The following ABCC1 variants were observed in gnomAD, a reference collection of about 807,000 sequenced individuals.
ABCC1 encodes multidrug resistance-associated protein 1.
ABCC1 carries 83 observed loss-of-function variants against 172.9 expected under a neutral mutation model. The ratio of observed to expected loss-of-function variants is 0.48; its 90% CI spans 0.40 to 0.58. ABCC1 has a LOEUF of 0.58. Ranked by LOEUF, ABCC1 falls within the 20% of genes least tolerant of loss-of-function variation. The pLI is 0.00. For synonymous variants in ABCC1, 937 were observed against 825.2 expected, an observed-to-expected ratio of 1.14 and a Z score of -2.32; for missense variants, 1,817 against 2,002.7, an observed-to-expected ratio of 0.91 and a Z score of 1.77.
At chr16:16,064,760 C>G (rs2050052353) in intron 12 of ABCC1, among the ~76,000 whole-genome samples, 2 of 152,334 alleles carry the variant, frequency 1.3e-5, no homozygotes, top group South Asian at 4.1e-4. Context: ...CACTGAGCAC[C>G]ATGATCTGGG....
intron 23 of ABCC1, among the ~76,000 whole-genome samples, chr16:16,119,067 A>G (rs1444804229): frequency 6.6e-6 from 1 of 152,162 alleles, no homozygotes; most frequent in Non-Finnish European, 1.5e-5. Flanking sequence ...CTAATACACA[A>G]CAATTTGGGT....
At chr16:16,000,434 C>T (rs775918634) in intron 1 of ABCC1, among the ~76,000 whole-genome samples, 26 of 151,272 alleles carry the variant, frequency 1.7e-4, no homozygotes, top group Admixed American at 2.6e-4. Context: ...CATGAGCCAC[C>T]GTGTCCAGCT....
chr16:16,089,917 T>C (rs77670492), intron 18 of ABCC1, among the ~76,000 whole-genome samples: 1,523 of 152,206 alleles, frequency 0.01, 10 homozygotes, highest in Middle Eastern at 0.024. Context: ...ACAAACTGTT[T>C]TGCTGTGGCA....
intron 13 of ABCC1, among the ~76,000 whole-genome samples, chr16:16,069,732 A>AG (rs1184945978): frequency 2.6e-5 from 4 of 152,068 alleles, no homozygotes; most frequent in African/African-American, 9.7e-5. Context: ...AAAAAGAAAA[A>AG]GAAAAAAAAA....
At chr16:16,004,910 C>T (rs546327967) in intron 1 of ABCC1, among the ~76,000 whole-genome samples, 411 of 152,162 alleles carry the variant, frequency 2.7e-3, no homozygotes, top group African/African-American at 9.4e-3. Flanking sequence ...TCCTGACTGC[C>T]TGCCTAGGCC....
chr16:15,988,009 G>C (rs2046779820), intron 1 of ABCC1, among the ~76,000 whole-genome samples: 1 of 152,144 alleles, frequency 6.6e-6, no homozygotes, highest in Non-Finnish European at 1.5e-5. Context: ...CCAGGCTGGA[G>C]TGCAGTGGTG....
chr16:16,132,076 G>A (rs566571345), intron 27 of ABCC1, 141 bp downstream of exon 27: 4 of 1,082,180 alleles, frequency 3.7e-6, no homozygotes, highest in African/African-American at 1.6e-5. Context: ...GGGGCTGGGA[G>A]TGGACTGTGG....
chr16:16,012,304 G>C (rs1225572328), intron 3 of ABCC1, among the ~76,000 whole-genome samples: 1 of 152,164 alleles, frequency 6.6e-6, no homozygotes, highest in Non-Finnish European at 1.5e-5. Context: ...CCTGGCACCT[G>C]CTTTACGCCT....
In ABCC1 at chr16:16,138,449, G is replaced by A. The variant is rs749468738; in HGVS notation, c.4378G>A (p.Val1460Met). 16 of 1,612,836 alleles carry A rather than the reference G, an allele frequency of 9.9e-6. No homozygotes were observed. The highest frequency in any genetic ancestry group is 2.2e-5 in the South Asian group (2 of 91,014). The stretch of plus-strand genomic sequence containing the variant: ...TGTGTTGGATGAGGCCACGGCAGCC[G>A]TGGACCTGGAAACGGACGACCTCAT... ...ILVLDEATAA[V>M]DLETDDLIQS... Residue 1460 changes from valine to methionine, a missense_variant, in exon 30 of 31, where the codon GTG becomes ATG. Val to Met is a conservative substitution (Grantham distance 21). This residue lies in a region of ABCC1 where 1,412 missense variants were observed against 1,600.3 expected (regional missense o/e 0.88). Transcript: ENST00000399410.
chr16:16,052,333 CT>C (rs1240470938), intron 10 of ABCC1, among the ~76,000 whole-genome samples: 1 of 151,984 alleles, frequency 6.6e-6, no homozygotes, highest in Admixed American at 6.6e-5. Context: ...TAATGCTTAC[CT>C]GTAGTCCCAG....
chr16:16,020,165 G>T (rs139349102), intron 5 of ABCC1, among the ~76,000 whole-genome samples: 2 of 152,086 alleles, frequency 1.3e-5, no homozygotes, highest in Non-Finnish European at 2.9e-5. Context: ...CAAGTGATCC[G>T]CCCACTTTGG....
intron 12 of ABCC1, chr16:16,056,579 G>A: frequency 2.2e-6 from 1 of 455,990 alleles, no homozygotes; most frequent in Non-Finnish European, 4.0e-6. Flanking sequence ...TGAGGCAAGA[G>A]AATTACTTCA....
At chr16:16,068,800 A>G (rs2050212106) in intron 13 of ABCC1, among the ~76,000 whole-genome samples, 2 of 151,992 alleles carry the variant, frequency 1.3e-5, no homozygotes, top group Admixed American at 6.6e-5. Flanking sequence ...CAGCCTGGCC[A>G]ACATAGTGCA....
chr16:16,083,788 C>T (rs1165247579), intron 17 of ABCC1, among the ~76,000 whole-genome samples: 1 of 152,162 alleles, frequency 6.6e-6, no homozygotes, highest in Non-Finnish European at 1.5e-5. Context: ...CAAAGGGGGG[C>T]TCTTCTCATG....
chr16:16,105,435 T>C (rs1331120459), intron 20 of ABCC1: 1 of 152,212 alleles, frequency 6.6e-6, no homozygotes, highest in Non-Finnish European at 1.5e-5. Context: ...AGGCCTTAAC[T>C]AAAGACCTTT....
rs765483473 is a variant in ABCC1, at chr16:16,046,934, C to G, written c.1218+921C>G. ...TGCAGGCCAGGCACTGTAGCTCATG[C>G]CTGTAATCCCAGCAGCTTGGGAGAC... On this transcript the variant is annotated intron_variant, in intron 9 of 30. Transcript: ENST00000399410. Among the ~76,000 whole-genome samples, 157 of 151,432 alleles carry G rather than the reference C, an allele frequency of 1.0e-3. 2 individuals are homozygous for G. The highest frequency in any genetic ancestry group is 2.9e-4 in the Non-Finnish European group (20 of 67,978).
intron 7 of ABCC1, among the ~76,000 whole-genome samples, chr16:16,043,746 C>T: frequency 6.6e-6 from 1 of 152,084 alleles, no homozygotes; most frequent in East Asian, 1.9e-4. Context: ...GGATTACAGG[C>T]ACCTGCCATC....
chr16:16,069,593 A>G (rs1482274629), intron 13 of ABCC1, among the ~76,000 whole-genome samples: 1 of 152,106 alleles, frequency 6.6e-6, no homozygotes, highest in Admixed American at 6.6e-5. Context: ...AGGCAAATCA[A>G]CCGTAAAATT....
At chr16:16,088,440 G>A (rs1287286590) in intron 18 of ABCC1, among the ~76,000 whole-genome samples, 13 of 152,206 alleles carry the variant, frequency 8.5e-5, no homozygotes, top group African/African-American at 2.2e-4. Flanking sequence ...GCGAGACTCC[G>A]TCTCAGAAAA....
Sources: allele counts gnomAD v4.1 joint callset (sites outside exome capture counted in the v4.1 genomes callset), GRCh38; gene constraint gnomAD v4.1.1; regional missense constraint gnomAD v4.1.1; transcripts MANE v1.5; gene names NCBI Gene and HGNC (gene_info 2026-07-23, HGNC 2026-07-21).